SF3A3: variants seen among roughly 807,000 people sequenced by gnomAD.
SF3A3 encodes SAP 61.
A neutral mutation model predicts 85.8 loss-of-function variants in SF3A3; 9 were observed. That is an observed-to-expected ratio of 0.10 (90% CI 0.06 to 0.18). The LOEUF (loss-of-function observed/expected upper bound fraction) is 0.18, where lower values mean the gene tolerates loss of function less well. Among genes scored for constraint, SF3A3 ranks in the 10% least tolerant of loss-of-function variants. The pLI is 1.00. For missense variants in SF3A3, 306 were observed against 593.3 expected, an observed-to-expected ratio of 0.52 and a Z score of 5.03; for synonymous variants, 195 against 204.4, an observed-to-expected ratio of 0.95 and a Z score of 0.39.
intron 15 of SF3A3, among the ~76,000 whole-genome samples, chr1:37,964,964 G>A (rs1646289035): frequency 6.6e-6 from 1 of 152,080 alleles, no homozygotes; most frequent in Non-Finnish European, 1.5e-5. Flanking sequence ...TTCCAGGCCA[G>A]CCTGGCCAAC....
chr1:37,982,394 G>T (rs1416391104), intron 6 of SF3A3, among the ~76,000 whole-genome samples: 1 of 151,106 alleles, frequency 6.6e-6, no homozygotes, highest in Non-Finnish European at 1.5e-5. Flanking sequence ...TTTTGAGACG[G>T]AGTTTGGCTC....
intron 15 of SF3A3, 71 bp from the exon 16 acceptor site, chr1:37,960,246 C>T (rs1415802459): frequency 1.5e-6 from 2 of 1,378,878 alleles, no homozygotes; most frequent in African/African-American, 2.8e-5. Context: ...TTATAATCCT[C>T]TCTCCCTGCC....
At chr1:37,988,978 G>C (rs1173136527) in intron 2 of SF3A3, among the ~76,000 whole-genome samples, 2 of 151,796 alleles carry the variant, frequency 1.3e-5, no homozygotes, top group Non-Finnish European at 2.9e-5. Flanking sequence ...ACATCCAAGG[G>C]ATACAGGATG....
intron 8 of SF3A3, among the ~76,000 whole-genome samples, 166 bp downstream of exon 8, chr1:37,980,420 G>A (rs1313259563): frequency 6.6e-6 from 1 of 150,806 alleles, no homozygotes; most frequent in African/African-American, 2.4e-5. Context: ...GCGAAACTCC[G>A]TCTCCAAAAA....
At chr1:37,981,942 G>A in intron 6 of SF3A3, 131 bp from the exon 7 acceptor site, 1 of 499,784 alleles carries the variant, frequency 2.0e-6, no homozygotes, top group Non-Finnish European at 3.5e-6. Context: ...GGCTAATTTT[G>A]GTTTTTTTTG....
At chr1:37,974,577 C>G (rs746526612) in intron 12 of SF3A3, among the ~76,000 whole-genome samples, 1 of 152,196 alleles carries the variant, frequency 6.6e-6, no homozygotes, top group Non-Finnish European at 1.5e-5. Flanking sequence ...GCTGGGATTA[C>G]GGGCATGAGC....
chr1:37,985,580 GTTTT>G (rs918146970), intron 4 of SF3A3, among the ~76,000 whole-genome samples: 2 of 151,898 alleles, frequency 1.3e-5, no homozygotes, highest in African/African-American at 2.4e-5. Context: ...GCCTGCATAG[GTTTT>G]TGTTTTTGTT....
rs185224996 is a variant in SF3A3 at position 37,984,157 on chromosome 1, C to T, written c.468+12G>A. 7 of 1,533,980 alleles carry T rather than the reference C, an allele frequency of 4.6e-6. No individual in the cohort carries two copies. Among genetic ancestry groups the T allele is most frequent in the Non-Finnish European group, 5.4e-6 (6 of 1,110,770 alleles). ...GAGAATCAGAACCTCTCTGCCCTTTCCCAGGCCTTACCTCAGATGCCTTCA... is the reference window on the plus strand; with the variant it reads ...GAGAATCAGAACCTCTCTGCCCTTTTCCAGGCCTTACCTCAGATGCCTTCA... On this transcript the variant is annotated intron_variant, in intron 6 of 16. Coordinates refer to ENST00000373019, the MANE Select transcript of SF3A3 (RefSeq NM_006802.4).
chr1:37,981,849 G>A (rs1557754273), intron 6 of SF3A3, 38 bp from the exon 7 acceptor site: 1 of 1,160,424 alleles, frequency 8.6e-7, no homozygotes, highest in East Asian at 2.4e-5. Flanking sequence ...ATTCAGTTAG[G>A]TATTTATACT....
intron 15 of SF3A3, chr1:37,960,551 AG>A (rs1646249630): frequency 5.2e-6 from 1 of 192,964 alleles, no homozygotes; most frequent in Non-Finnish European, 1.1e-5. Flanking sequence ...TCTATGAAGG[AG>A]AAAAGGTAAA....
In SF3A3 at chr1:37,978,833, G is replaced by A; in HGVS notation, c.828-6C>T. 3 of 1,572,818 alleles carry A rather than the reference G, an allele frequency of 1.9e-6. No individual in the cohort carries two copies. Among genetic ancestry groups the A allele is most frequent in the Non-Finnish European group, 2.6e-6 (3 of 1,156,062 alleles). ...GGGCTCGCTCTTCTAGGGTCCTAAG[G>A]AGACAGGACGGCAAAGGATTTTAGG... On this transcript the variant is annotated splice_region_variant and splice_polypyrimidine_tract_variant and intron_variant, in intron 10 of 16. Coordinates refer to ENST00000373019, the MANE Select transcript of SF3A3 (RefSeq NM_006802.4).
intron 12 of SF3A3, among the ~76,000 whole-genome samples, chr1:37,975,892 C>T (rs377125347): frequency 3.3e-5 from 5 of 152,190 alleles, no homozygotes; most frequent in African/African-American, 4.8e-5. Flanking sequence ...CGCGGTGGCT[C>T]ACGCCTGTAA....
chr1:37,962,803 C>T (rs1482045912), intron 15 of SF3A3, among the ~76,000 whole-genome samples: 2 of 145,392 alleles, frequency 1.4e-5, no homozygotes, highest in South Asian at 2.2e-4. Flanking sequence ...AAAATCACTG[C>T]GGCCGGGTGC....
intron 5 of SF3A3, 113 bp downstream of exon 5, chr1:37,984,579 GAAACCAGCAAAGACA>G: frequency 1.4e-6 from 1 of 738,818 alleles, no homozygotes; most frequent in Admixed American, 2.2e-5. Flanking sequence ...CTCTAGCCCA[GAAACCAGCAAAGACA>G]AAACCAGCAA....
At chr1:37,981,340 A>C (rs10736424) in intron 7 of SF3A3, among the ~76,000 whole-genome samples, 1 of 152,124 alleles carries the variant, frequency 6.6e-6, no homozygotes, top group Non-Finnish European at 1.5e-5. Context: ...ACTAATCAGG[A>C]GAGTAATTAA....
At chr1:37,960,329 C>G in intron 15 of SF3A3, 154 bp from the exon 16 acceptor site, 2 of 602,742 alleles carry the variant, frequency 3.3e-6, no homozygotes, top group Non-Finnish European at 5.9e-6. Flanking sequence ...GGTTCTGGAC[C>G]ACCTATAGAC....
intron 15 of SF3A3, chr1:37,960,682 G>C (rs28585598): frequency 1.3e-5 from 2 of 153,090 alleles, no homozygotes; most frequent in African/African-American, 4.8e-5. Flanking sequence ...ACGGACTCTC[G>C]CTCTGTCGCC....
chr1:37,988,037 G>T (rs1272037011), intron 2 of SF3A3, among the ~76,000 whole-genome samples: 1 of 152,138 alleles, frequency 6.6e-6, no homozygotes, highest in Non-Finnish European at 1.5e-5. Context: ...TAACAGCCTT[G>T]ATTCCTGTTT....
chr1:37,959,658 A>G (rs747743601), intron 16 of SF3A3, among the ~76,000 whole-genome samples: 10 of 151,994 alleles, frequency 6.6e-5, no homozygotes, highest in Admixed American at 4.6e-4. Context: ...GGCTCATGCA[A>G]CCTCTACCTC....
Sources: allele counts gnomAD v4.1 joint callset (sites outside exome capture counted in the v4.1 genomes callset), GRCh38; gene constraint gnomAD v4.1.1; transcripts MANE v1.5; gene names NCBI Gene and HGNC (gene_info 2026-07-23, HGNC 2026-07-21).